Variants in FLI1 observed in about 807,000 individuals in gnomAD.
FLI1 encodes Friend leukemia integration 1 transcription factor.
FLI1 carries 13 observed loss-of-function variants against 53.1 expected under a neutral mutation model. The observed-to-expected ratio is 0.24, with a 90% CI of 0.16 to 0.39. The LOEUF (loss-of-function observed/expected upper bound fraction) is 0.39. Ranked by LOEUF, FLI1 falls within the 10% of genes least tolerant of loss-of-function variation. The pLI is 1.00. For synonymous variants in FLI1, 244 were observed against 236.7 expected (o/e 1.03, Z -0.28); for missense variants, 424 against 600.5 (o/e 0.71, Z 3.07).
chr11:128,687,707 A>C (rs922294359), intron 1 of FLI1, among the ~76,000 whole-genome samples: 3 of 152,094 alleles, frequency 2.0e-5, no homozygotes. Context: ...GTCCTGTCCA[A>C]GGATTGCCAA....
At chr11:128,691,270 AG>A (rs1404906904), upstream of FLI1, among the ~76,000 whole-genome samples, 1 of 152,210 alleles carries the variant, frequency 6.6e-6, no homozygotes, top group Non-Finnish European at 1.5e-5. Flanking sequence ...GTGCTTGGTT[AG>A]GGCGCTTCCC....
In FLI1 at chr11:128,694,285, C is replaced by T. The variant is rs1937915765; in HGVS notation, c.18+9C>T. ...TGGACGGGACTATTAAGGTAAGCGG[C>T]GGGGCAACGGACGCGGGCGGCGGGG... On this transcript the variant is annotated intron_variant, in intron 1 of 8. Coordinates refer to ENST00000527786, the MANE Select transcript of FLI1 (RefSeq NM_002017.5). The T allele has an allele frequency of 2.2e-6, 3 of 1,368,612 alleles. No homozygotes were observed. Among genetic ancestry groups the T allele is most frequent in the Non-Finnish European group, 9.5e-7 (1 of 1,049,836 alleles). 84.8% of individuals were successfully genotyped at this position (1,368,612 alleles called of 1,614,324 possible).
Position 128,756,952 on chromosome 11 carries a change from G to A in FLI1, c.19-1163G>A, listed in dbSNP as rs551676093. Among the ~76,000 whole-genome samples the A allele has an allele frequency of 3.9e-5, 6 of 152,090 alleles. No individual in the cohort carries two copies. The East Asian group carries it at 5.8e-4, about 15-fold the overall frequency. On this transcript the variant is annotated intron_variant, in intron 1 of 8. Coordinates refer to ENST00000527786, the MANE Select transcript of FLI1 (RefSeq NM_002017.5). ...AGGCTGAATGCAATGGCACGATCACGGCTCACTGCAGCCTCTACTTCCGGG... is the reference window on the plus strand; with the variant it reads ...AGGCTGAATGCAATGGCACGATCACAGCTCACTGCAGCCTCTACTTCCGGG...
intron 1 of FLI1, among the ~76,000 whole-genome samples, chr11:128,722,682 G>A (rs1312834388): frequency 6.6e-6 from 1 of 152,230 alleles, no homozygotes; most frequent in African/African-American, 2.4e-5. Flanking sequence ...TTGAGATGTG[G>A]TGGATTAATA....
intron 5 of FLI1, among the ~76,000 whole-genome samples, chr11:128,791,649 A>G (rs1221560839): frequency 6.6e-6 from 1 of 152,168 alleles, no homozygotes; most frequent in Non-Finnish European, 1.5e-5. Context: ...TACAAGGTGG[A>G]TGTTTTGGCT....
chr11:128,720,467 G>C (rs961447965), intron 1 of FLI1, among the ~76,000 whole-genome samples: 1 of 152,138 alleles, frequency 6.6e-6, no homozygotes, highest in African/African-American at 2.4e-5. Context: ...AAGTCACAAA[G>C]TCCCCCTAGA....
chr11:128,809,506 G>A lies in FLI1; in HGVS notation c.829+302G>A, dbSNP rs61910609. Among the ~76,000 whole-genome samples the A allele has an allele frequency of 0.064, 9,739 of 152,244 alleles. 463 individuals are homozygous for A. Among genetic ancestry groups the A allele is most frequent in the East Asian group, 0.17 (898 of 5,182 alleles). On this transcript the variant is annotated intron_variant, in intron 8 of 8. Coordinates refer to ENST00000527786, the MANE Select transcript of FLI1 (RefSeq NM_002017.5). ...GGTAGGCGTTTCAATCAGAGAAAATGGGCAAGAAAGAAAAGAAGACAACTC... is the reference window on the plus strand; with the variant it reads ...GGTAGGCGTTTCAATCAGAGAAAATAGGCAAGAAAGAAAAGAAGACAACTC...
chr11:128,788,996 T>C (rs1223027474), intron 5 of FLI1, among the ~76,000 whole-genome samples: 1 of 152,206 alleles, frequency 6.6e-6, no homozygotes, highest in East Asian at 1.9e-4. Context: ...TATTACCACG[T>C]CTTTCAATTT....
At chr11:128,796,461 C>T (rs1942447120) in intron 5 of FLI1, among the ~76,000 whole-genome samples, 1 of 152,140 alleles carries the variant, frequency 6.6e-6, no homozygotes, top group Non-Finnish European at 1.5e-5. Context: ...GGCTTTGGGC[C>T]TCTGGGCCTG....
At chr11:128,809,280 C>A in intron 8 of FLI1, 76 bp downstream of exon 8, 1 of 1,281,098 alleles carries the variant, frequency 7.8e-7, no homozygotes, top group Non-Finnish European at 1.1e-6. Flanking sequence ...GACTTCTGTC[C>A]TAAGTCCAGA....
At chr11:128,772,715 C>T (rs1048354623) in intron 3 of FLI1, 67 bp from the exon 4 acceptor site, 10 of 1,289,886 alleles carry the variant, frequency 7.8e-6, no homozygotes, top group South Asian at 1.2e-5. Context: ...GTGAGGGAGG[C>T]TGCCTAGGCT....
At chr11:128,718,031 G>A (rs1438571978) in intron 1 of FLI1, among the ~76,000 whole-genome samples, 1 of 152,222 alleles carries the variant, frequency 6.6e-6, no homozygotes, top group African/African-American at 2.4e-5. Flanking sequence ...GAGCCCTCCT[G>A]GCAGAGAAGC....
At chr11:128,743,255 T>G (rs556809460) in intron 1 of FLI1, among the ~76,000 whole-genome samples, 34 of 152,028 alleles carry the variant, frequency 2.2e-4, no homozygotes, top group Admixed American at 2.0e-3. Flanking sequence ...ATAAATTAGC[T>G]GGCATGGTGG....
At chr11:128,705,171 A>G (rs568689198) in intron 1 of FLI1, among the ~76,000 whole-genome samples, 1 of 152,246 alleles carries the variant, frequency 6.6e-6, no homozygotes, top group Non-Finnish European at 1.5e-5. Flanking sequence ...TTTTGTTACT[A>G]TTTGTTTTAT....
At chr11:128,766,289 C>T (rs1011766026) in intron 2 of FLI1, among the ~76,000 whole-genome samples, 6 of 152,174 alleles carry the variant, frequency 3.9e-5, no homozygotes, top group African/African-American at 1.4e-4. Flanking sequence ...GTGCTACTGC[C>T]TCCCCTCCCC....
chr11:128,701,329 GA>G (rs67690991), intron 1 of FLI1, among the ~76,000 whole-genome samples: 76,131 of 150,428 alleles, frequency 0.51, 19,338 homozygotes, highest in African/African-American at 0.58. Context: ...GGAGAAAAAA[GA>G]AAAAAAAAAG....
intron 2 of FLI1, chr11:128,764,751 CG>C (rs1941264281): frequency 1.3e-6 from 2 of 1,584,578 alleles, no homozygotes; most frequent in Non-Finnish European, 1.7e-6. Flanking sequence ...GCAGGGCTTG[CG>C]CTGGCTGGAG....
intron 3 of FLI1, chr11:128,768,516 TAA>T (rs59293003): frequency 0.13 from 43,252 of 325,236 alleles, 107 homozygotes; most frequent in South Asian, 0.18. Flanking sequence ...TCATCTCTAC[TAA>T]AAAAAAAAAA....
At chr11:128,691,285 T>C (rs1363575325), upstream of FLI1, among the ~76,000 whole-genome samples, 2 of 152,098 alleles carry the variant, frequency 1.3e-5, no homozygotes, top group African/African-American at 2.4e-5. Flanking sequence ...GCTTCCCCCA[T>C]CCCCTTTCAG....
Sources: gnomAD v4.1 joint callset for allele counts (sites outside exome capture counted in the v4.1 genomes callset) on GRCh38, gnomAD v4.1.1 for gene constraint, MANE v1.5 for transcripts, NCBI Gene and HGNC (gene_info 2026-07-23, HGNC 2026-07-21) for gene names.